Variants in PI4KA observed in about 807,000 individuals in gnomAD.
PI4KA encodes phosphatidylinositol 4-kinase alpha.
PI4KA carries 122 observed loss-of-function variants against 271.4 expected under a neutral mutation model. The ratio of observed to expected loss-of-function variants is 0.45; its 90% CI spans 0.39 to 0.52. The LOEUF (loss-of-function observed/expected upper bound fraction) is 0.52, where lower values mean the gene tolerates loss of function less well. Among genes scored for constraint, PI4KA ranks in the 20% least tolerant of loss-of-function variants. PI4KA has a pLI of 0.00. For synonymous variants in PI4KA, 1,041 were observed against 1,078.8 expected (o/e 0.96, Z 0.69); for missense variants, 1,969 against 2,769.1 (o/e 0.71, Z 6.48).
At chr22:20,812,855 G>C (rs1921244264) in intron 8 of PI4KA, among the ~76,000 whole-genome samples, 1 of 152,114 alleles carries the variant, frequency 6.6e-6, no homozygotes, top group Non-Finnish European at 1.5e-5. Context: ...CGTCCAACCA[G>C]GGTCCCTGAA....
At chr22:20,800,096 A>G (rs1935210835) in intron 14 of PI4KA, among the ~76,000 whole-genome samples, 1 of 152,226 alleles carries the variant, frequency 6.6e-6, no homozygotes, top group Non-Finnish European at 1.5e-5. Flanking sequence ...CGGTCCCAAG[A>G]TAGCATAGTA....
chr22:20,828,946 T>C (rs2147737521), intron 3 of PI4KA, among the ~76,000 whole-genome samples: 1 of 152,336 alleles, frequency 6.6e-6, no homozygotes, highest in East Asian at 1.9e-4. Flanking sequence ...TTTTTAGTTC[T>C]GTTTCTGCCA....
At chr22:20,787,106 C>G in intron 19 of PI4KA, 3 of 1,554,328 alleles carry the variant, frequency 1.9e-6, no homozygotes, top group Non-Finnish European at 2.7e-6. Context: ...TGGGGGCACC[C>G]TCATTTTGTT....
rs773633874 is a variant in PI4KA, at chr22:20,747,634, A to C, written c.3312T>G (p.Thr1104=). 61 of 1,614,002 alleles carry C rather than the reference A, an allele frequency of 3.8e-5. 1 individual carries two copies. In the South Asian group the frequency reaches 6.5e-4, roughly 17 times the overall value. Residue 1104 remains threonine (T), a synonymous_variant, in exon 29 of 55, where the codon ACT becomes ACG. Coordinates refer to ENST00000255882, the MANE Select transcript of PI4KA (RefSeq NM_058004.4). ...LSQHTGLAMA[T]ESILHFAGYN... is the part of the protein sequence containing the mutation. The stretch of plus-strand genomic sequence containing the variant: ...AGCCAGCAAAGTGAAGGATGCTCTC[A>C]GTGGCCATGGCCAGCCCCGTGTGCT...
Position 20,765,092 on chromosome 22 carries a change from A to G in PI4KA, c.2574+8T>C. ...AGAGCATGGTAAAAATGAGATGTGA[A>G]TCCTTACGGGGGTGACCGTGTCATT... On this transcript the variant is annotated splice_region_variant and intron_variant, in intron 21 of 54. Coordinates refer to ENST00000255882, the MANE Select transcript of PI4KA (RefSeq NM_058004.4). 1 of 1,608,494 alleles carries G rather than the reference A, an allele frequency of 6.2e-7. No individual in the cohort carries two copies. Among genetic ancestry groups the G allele is most frequent in the Non-Finnish European group, 8.5e-7 (1 of 1,176,358 alleles).
At chr22:20,728,795 G>C (rs1235107125) in intron 39 of PI4KA, among the ~76,000 whole-genome samples, 2 of 152,188 alleles carry the variant, frequency 1.3e-5, no homozygotes, top group African/African-American at 2.4e-5. Flanking sequence ...GGACCATCTG[G>C]TGGGATTCTA....
intron 19 of PI4KA, among the ~76,000 whole-genome samples, chr22:20,773,196 G>T (rs557304433): frequency 1.3e-5 from 2 of 152,146 alleles, no homozygotes; most frequent in African/African-American, 4.8e-5. Flanking sequence ...CACCAGCCTG[G>T]CCAACATAGT....
chr22:20,779,860 T>C (rs1933625839), intron 19 of PI4KA: 1 of 1,614,092 alleles, frequency 6.2e-7, no homozygotes, highest in East Asian at 2.2e-5. Flanking sequence ...ATTTTGCATT[T>C]TAAAGACTTT....
chr22:20,720,049 A>C (rs974954201), intron 43 of PI4KA, among the ~76,000 whole-genome samples: 15 of 61,680 alleles, frequency 2.4e-4, no homozygotes, highest in Non-Finnish European at 5.3e-4. Context: ...AAAAAAAAAA[A>C]AACCCTTTCT....
intron 1 of PI4KA, among the ~76,000 whole-genome samples, chr22:20,844,449 G>A (rs1925994198): frequency 6.6e-6 from 1 of 152,182 alleles, no homozygotes; most frequent in African/African-American, 2.4e-5. Flanking sequence ...AGGGACGGAT[G>A]GAAGAACTCT....
At chr22:20,838,423 T>C (rs1336042435) in intron 2 of PI4KA, among the ~76,000 whole-genome samples, 192 bp downstream of exon 2, 1 of 152,152 alleles carries the variant, frequency 6.6e-6, no homozygotes, top group Non-Finnish European at 1.5e-5. Context: ...TCTAAAAAAC[T>C]CAAATTTTCT....
At chr22:20,830,046 T>A (rs554803787) in intron 3 of PI4KA, among the ~76,000 whole-genome samples, 1 of 152,352 alleles carries the variant, frequency 6.6e-6, no homozygotes, top group African/African-American at 2.4e-5. Context: ...AGGCTTGTTT[T>A]ATGTCTTATA....
intron 48 of PI4KA, 166 bp downstream of exon 48, chr22:20,713,115 G>A: frequency 1.4e-6 from 1 of 694,802 alleles, no homozygotes; most frequent in Admixed American, 2.3e-5. Flanking sequence ...GGAAGGAGAG[G>A]CCTCTGGGTT....
At chr22:20,737,823 G>T (rs1275928630) in intron 32 of PI4KA, among the ~76,000 whole-genome samples, 1 of 152,050 alleles carries the variant, frequency 6.6e-6, no homozygotes, top group Non-Finnish European at 1.5e-5. Flanking sequence ...TAGAGACAGG[G>T]TTTCTCCATA....
chr22:20,853,436 C>T lies in PI4KA; in HGVS notation c.156+5134G>A, dbSNP rs868714656. ...TGAGAACCAGGAAAGCAGAACAAGA[C>T]TAGCGGGCAGATAGAAATCAGGAAG... On this transcript the variant is annotated intron_variant, in intron 1 of 54. Coordinates refer to ENST00000255882, the MANE Select transcript of PI4KA (RefSeq NM_058004.4). 2.1e-4 allele frequency among the ~76,000 whole-genome samples: 32 copies of T among 152,186 alleles called. 1 individual carries two copies. The highest frequency in any genetic ancestry group is 5.9e-4 in the Admixed American group (9 of 15,280).
chr22:20,792,959 A>G (rs560898350), intron 19 of PI4KA, among the ~76,000 whole-genome samples: 4 of 152,264 alleles, frequency 2.6e-5, no homozygotes, highest in Admixed American at 1.3e-4. Context: ...GCCCTTGTCA[A>G]TTGGTTGAGG....
intron 19 of PI4KA, chr22:20,784,093 C>G: frequency 6.2e-7 from 1 of 1,614,152 alleles, no homozygotes; most frequent in Non-Finnish European, 8.5e-7. Flanking sequence ...CAGCAAATGA[C>G]CAGGAGCTGG....
chr22:20,811,040 G>C lies in PI4KA; in HGVS notation c.1006-8C>G. ...CTCAACGATCTTCTTCACCTACCAA[G>C]GAAACAGAACCTCATGAAGCAACTG... On this transcript the variant is annotated splice_region_variant and splice_polypyrimidine_tract_variant and intron_variant, in intron 8 of 54. Coordinates refer to ENST00000255882, the MANE Select transcript of PI4KA (RefSeq NM_058004.4). 6.2e-7 allele frequency: 1 copy of C among 1,609,482 alleles called. No homozygotes were observed. The highest frequency in any genetic ancestry group is 8.5e-7 in the Non-Finnish European group (1 of 1,175,860).
At chr22:20,774,819 C>T (rs1933132028) in intron 19 of PI4KA, among the ~76,000 whole-genome samples, 1 of 150,760 alleles carries the variant, frequency 6.6e-6, no homozygotes, top group Admixed American at 6.6e-5. Context: ...TATAGGAGAC[C>T]TACTCTCAAA....
Sources: allele counts gnomAD v4.1 joint callset (sites outside exome capture counted in the v4.1 genomes callset), GRCh38; gene constraint gnomAD v4.1.1; transcripts MANE v1.5; gene names NCBI Gene and HGNC (gene_info 2026-07-23, HGNC 2026-07-21).